STYK1: variants seen among roughly 807,000 people sequenced by gnomAD.
The protein encoded by STYK1 is STY kinase 1.
Under a neutral mutation model 48.1 loss-of-function variants are expected in STYK1, and 46 were observed. That is an observed-to-expected ratio of 0.96 (90% confidence interval 0.75 to 1.22). The LOEUF (loss-of-function observed/expected upper bound fraction) is 1.22, where lower values mean the gene tolerates loss of function less well. STYK1 is among the 50% of genes most tolerant of loss of function. The pLI is 0.00. For synonymous variants in STYK1, 188 were observed against 189.0 expected, an observed-to-expected ratio of 0.99 and a Z score of 0.04; for missense variants, 527 against 521.1, an observed-to-expected ratio of 1.01 and a Z score of -0.11.
At chr12:10,635,488 C>T (rs769505345) in intron 2 of STYK1, among the ~76,000 whole-genome samples, 5 of 152,154 alleles carry the variant, frequency 3.3e-5, no homozygotes, top group Non-Finnish European at 7.3e-5. Context: ...GCTTCCTCTG[C>T]TCATATCAGA....
intron 6 of STYK1, among the ~76,000 whole-genome samples, chr12:10,629,089 A>G (rs1947390965): frequency 6.6e-6 from 1 of 152,184 alleles, no homozygotes; most frequent in Non-Finnish European, 1.5e-5. Flanking sequence ...AAAACTCAGG[A>G]TCAGAAAGGT....
At chr12:10,622,271 T>G (rs1464408015) in intron 9 of STYK1, among the ~76,000 whole-genome samples, 1 of 152,188 alleles carries the variant, frequency 6.6e-6, no homozygotes, top group African/African-American at 2.4e-5. Flanking sequence ...CATGGGAAAG[T>G]GTGCAGTTTC....
chr12:10,630,079 G>C (rs1317871846), intron 5 of STYK1, among the ~76,000 whole-genome samples: 1 of 87,210 alleles, frequency 1.1e-5, no homozygotes, highest in African/African-American at 4.8e-5. Context: ...GAGAGAGAGA[G>C]AGAGAGAGAG....
At chr12:10,630,421 A>G (rs1472108184) in intron 5 of STYK1, among the ~76,000 whole-genome samples, 2 of 150,012 alleles carry the variant, frequency 1.3e-5, no homozygotes, top group Admixed American at 6.7e-5. Flanking sequence ...ATATAATATC[A>G]GGAAGGGGTA....
intron 1 of STYK1, among the ~76,000 whole-genome samples, chr12:10,644,491 C>T (rs377709871): frequency 9.2e-5 from 14 of 152,288 alleles, no homozygotes; most frequent in African/African-American, 3.1e-4. Flanking sequence ...TTTGCAACTA[C>T]TTGTGAACCT....
intron 7 of STYK1, among the ~76,000 whole-genome samples, chr12:10,625,198 C>CTTTTTT (rs1392687988): frequency 8.2e-6 from 1 of 121,278 alleles, no homozygotes; most frequent in African/African-American, 2.8e-5. Context: ...TTCCAAGTTT[C>CTTTTTT]TTTCTTTTTT....
intron 1 of STYK1, among the ~76,000 whole-genome samples, chr12:10,650,949 G>A (rs933229335): frequency 6.6e-6 from 1 of 150,840 alleles, no homozygotes; most frequent in Non-Finnish European, 1.5e-5. Flanking sequence ...AGGTTGCAGT[G>A]AGCCAAGATC....
intron 1 of STYK1, among the ~76,000 whole-genome samples, chr12:10,638,014 T>G (rs970155986): frequency 6.6e-6 from 1 of 152,182 alleles, no homozygotes; most frequent in African/African-American, 2.4e-5. Context: ...TTTCCCACTA[T>G]GTCAAAAAAT....
intron 8 of STYK1, among the ~76,000 whole-genome samples, chr12:10,623,518 G>A (rs1947322568): frequency 6.6e-6 from 1 of 152,060 alleles, no homozygotes; most frequent in Non-Finnish European, 1.5e-5. Context: ...GCAATTATAT[G>A]TAGTTATATA....
intron 6 of STYK1, among the ~76,000 whole-genome samples, chr12:10,628,487 T>A (rs1299136572): frequency 6.6e-6 from 1 of 152,166 alleles, no homozygotes; most frequent in Non-Finnish European, 1.5e-5. Flanking sequence ...CAAAACAAGT[T>A]TTAGATGAGT....
intron 1 of STYK1, among the ~76,000 whole-genome samples, chr12:10,668,128 T>C (rs577135563): frequency 6.6e-6 from 1 of 152,210 alleles, no homozygotes; most frequent in Non-Finnish European, 1.5e-5. Context: ...AATACTTTTT[T>C]TTTTAACCTG....
At chr12:10,641,193 G>A (rs868780498) in intron 1 of STYK1, among the ~76,000 whole-genome samples, 13 of 152,134 alleles carry the variant, frequency 8.5e-5, no homozygotes, top group Admixed American at 2.0e-4. Flanking sequence ...AACTCACAAC[G>A]CCACCCCCAC....
chr12:10,638,498 A>G (rs1031510307), intron 1 of STYK1, among the ~76,000 whole-genome samples: 1 of 152,340 alleles, frequency 6.6e-6, no homozygotes. Context: ...GCTCATGAAT[A>G]TAACTATAAC....
At chr12:10,664,117 T>C (rs1947809750) in intron 1 of STYK1, among the ~76,000 whole-genome samples, 1 of 152,130 alleles carries the variant, frequency 6.6e-6, no homozygotes, top group African/African-American at 2.4e-5. Context: ...CAGCATGGTG[T>C]AATATAAGGC....
In STYK1 at chr12:10,631,300, G is replaced by A; in HGVS notation, c.196C>T (p.Pro66Ser). 1 of 1,614,096 alleles carries A rather than the reference G, an allele frequency of 6.2e-7. No individual in the cohort carries two copies. The highest frequency in any genetic ancestry group is 8.5e-7 in the Non-Finnish European group (1 of 1,179,962). The stretch of plus-strand genomic sequence containing the variant: ...CTTAGGTCCCTAGGTGGAGGAACAG[G>A]GGCAATGCCTAGAACAGAGAGATGA... ...QQRSGPQGIA[P>S]VPPPRDLSWE... The change falls in exon 5 of 11, where the codon CCT becomes TCT. Residue 66 changes from proline to serine, a missense_variant. Physicochemically the swap from Pro to Ser is moderately conservative, Grantham distance 74. Transcript: ENST00000075503.
chr12:10,670,836 A>C (rs1947883325), intron 1 of STYK1, among the ~76,000 whole-genome samples: 1 of 149,628 alleles, frequency 6.7e-6, no homozygotes, highest in African/African-American at 2.4e-5. Context: ...TATGATAAAT[A>C]TATATATAAT....
intron 1 of STYK1, among the ~76,000 whole-genome samples, chr12:10,647,998 C>A (rs148955204): frequency 0.016 from 2,477 of 152,234 alleles, 58 homozygotes; most frequent in African/African-American, 0.055. Flanking sequence ...ATGTCTTTAT[C>A]AGCAGCATAA....
At chr12:10,644,727 G>A (rs1169310133) in intron 1 of STYK1, among the ~76,000 whole-genome samples, 2 of 152,190 alleles carry the variant, frequency 1.3e-5, no homozygotes, top group Non-Finnish European at 2.9e-5. Flanking sequence ...AGGTAAGAAG[G>A]AGAAGGAGAA....
At chr12:10,660,853 G>C (rs1236303541) in intron 1 of STYK1, among the ~76,000 whole-genome samples, 1 of 152,108 alleles carries the variant, frequency 6.6e-6, no homozygotes, top group African/African-American at 2.4e-5. Flanking sequence ...TCCGTTCTGG[G>C]ATTTGCCCAT....
Sources: allele counts gnomAD v4.1 joint callset (sites outside exome capture counted in the v4.1 genomes callset), GRCh38; gene constraint gnomAD v4.1.1; transcripts MANE v1.5; gene names NCBI Gene and HGNC (gene_info 2026-07-23, HGNC 2026-07-21).